The following HS3ST2 variants were observed in gnomAD, a reference collection of about 807,000 sequenced individuals.
The protein encoded by HS3ST2 is heparan sulfate-glucosamine 3-sulfotransferase 2.
In HS3ST2, 17 loss-of-function variants were observed where a neutral mutation model predicts 26.3. That is an observed-to-expected ratio of 0.65 (90% confidence interval 0.44 to 0.97). The LOEUF is 0.97. Ranked by LOEUF, HS3ST2 falls within the 50% of genes least tolerant of loss-of-function variation. HS3ST2 has a pLI of 0.00. For synonymous variants in HS3ST2, 237 were observed against 219.2 expected, an observed-to-expected ratio of 1.08 and a Z score of -0.72; for missense variants, 402 against 501.2, an observed-to-expected ratio of 0.80 and a Z score of 1.89.
chr16:22,870,941 G>C (rs1021023999), intron 1 of HS3ST2, among the ~76,000 whole-genome samples: 1 of 152,110 alleles, frequency 6.6e-6, no homozygotes, highest in Non-Finnish European at 1.5e-5. Flanking sequence ...ACTTTATGAT[G>C]GTGGAAAAGC....
intron 1 of HS3ST2, among the ~76,000 whole-genome samples, chr16:22,868,110 A>G (rs1489671706): frequency 6.6e-6 from 1 of 152,200 alleles, no homozygotes; most frequent in Non-Finnish European, 1.5e-5. Flanking sequence ...AAGAACATTA[A>G]AAGTCTGGAA....
At chr16:22,815,669 C>T (rs1247307834) in intron 1 of HS3ST2, among the ~76,000 whole-genome samples, 1 of 152,118 alleles carries the variant, frequency 6.6e-6, no homozygotes, top group African/African-American at 2.4e-5. Context: ...GCTGAGACCC[C>T]CAGTAGCTCT....
intron 1 of HS3ST2, among the ~76,000 whole-genome samples, chr16:22,887,808 G>T (rs907513499): frequency 6.6e-6 from 1 of 150,788 alleles, no homozygotes; most frequent in Non-Finnish European, 1.5e-5. Flanking sequence ...AACTAGCCAG[G>T]CATGGTTGTA....
In HS3ST2 at chr16:22,822,181, C is replaced by T. The variant is rs547830549; in HGVS notation, c.485+7086C>T. On this transcript the variant is annotated intron_variant, in intron 1 of 1. Transcript: ENST00000261374. ...GACATTTGCCAAAGCCCAGCATGAC[C>T]TCTACTATTATTTTCTTAATTTTTT... Among the ~76,000 whole-genome samples the T allele has an allele frequency of 1.2e-4, 18 of 152,242 alleles. No homozygotes were observed. In the East Asian group the frequency reaches 2.5e-3, roughly 21 times the overall value.
intron 1 of HS3ST2, among the ~76,000 whole-genome samples, chr16:22,862,898 C>T (rs1313613436): frequency 1.3e-5 from 2 of 152,234 alleles, no homozygotes; most frequent in Non-Finnish European, 2.9e-5. Flanking sequence ...GCTTGGAATG[C>T]AGTGAATACT....
chr16:22,898,524 A>G (rs1343976039), intron 1 of HS3ST2, among the ~76,000 whole-genome samples: 1 of 152,206 alleles, frequency 6.6e-6, no homozygotes, highest in African/African-American at 2.4e-5. Context: ...GCCAGGGTAA[A>G]GTGATCCAGG....
At position 22,829,395 on chromosome 16, in the gene HS3ST2, T is replaced by C. The variant is rs80071106; in HGVS notation, c.485+14300T>C. Among the ~76,000 whole-genome samples the C allele has an allele frequency of 9.8e-5, 15 of 152,342 alleles. No individual in the cohort carries two copies. In the East Asian group the frequency reaches 2.5e-3, roughly 25 times the overall value. ...TGGTCCCATTTAGGTAGGGTATTGA[T>C]TGTCCCATTTAGAGAGGACAATCAG... On this transcript the variant is annotated intron_variant, in intron 1 of 1. Coordinates refer to ENST00000261374, the MANE Select transcript of HS3ST2 (RefSeq NM_006043.2).
chr16:22,820,034 G>A lies in HS3ST2; in HGVS notation c.485+4939G>A, dbSNP rs534799875. On this transcript the variant is annotated intron_variant, in intron 1 of 1. Transcript: ENST00000261374. The stretch of plus-strand genomic sequence containing the variant: ...TGGGTGTGCACATAGATGAATGTGT[G>A]TGCACACCCACACATGTGCACCTGC... 2.0e-4 allele frequency among the ~76,000 whole-genome samples: 31 copies of A among 152,328 alleles called. No individual in the cohort carries two copies. In the South Asian group the frequency reaches 6.4e-3, roughly 32 times the overall value.
intron 1 of HS3ST2, among the ~76,000 whole-genome samples, chr16:22,824,451 G>A (rs1901050810): frequency 6.6e-6 from 1 of 152,162 alleles, no homozygotes; most frequent in African/African-American, 2.4e-5. Context: ...GGAGGCTGAG[G>A]CAAGAGAATG....
intron 1 of HS3ST2, among the ~76,000 whole-genome samples, chr16:22,913,803 C>A (rs1249314560): frequency 6.6e-6 from 1 of 152,126 alleles, no homozygotes; most frequent in East Asian, 1.9e-4. Flanking sequence ...GAGTTTGAGA[C>A]CAGCCAGGGC....
chr16:22,869,141 C>T (rs1023584508), intron 1 of HS3ST2, among the ~76,000 whole-genome samples: 1 of 151,966 alleles, frequency 6.6e-6, no homozygotes, highest in Non-Finnish European at 1.5e-5. Context: ...AAAAGGGGCG[C>T]TCTGTAAAAC....
intron 1 of HS3ST2, among the ~76,000 whole-genome samples, chr16:22,850,966 G>A (rs749911382): frequency 6.6e-6 from 1 of 152,200 alleles, no homozygotes; most frequent in African/African-American, 2.4e-5. Context: ...GCTTCTGGCT[G>A]TCACCTGTGA....
intron 1 of HS3ST2, among the ~76,000 whole-genome samples, chr16:22,816,247 G>A (rs1319603391): frequency 1.3e-5 from 2 of 152,242 alleles, no homozygotes; most frequent in South Asian, 2.1e-4. Flanking sequence ...TAGTAATGAC[G>A]TTGGGGAGGG....
chr16:22,909,921 C>G (rs1902402208), intron 1 of HS3ST2, among the ~76,000 whole-genome samples: 1 of 151,358 alleles, frequency 6.6e-6, no homozygotes, highest in African/African-American at 2.4e-5. Context: ...CCTGTAATCC[C>G]AGCTACTTGG....
intron 1 of HS3ST2, among the ~76,000 whole-genome samples, chr16:22,820,123 G>T (rs1197548842): frequency 2.0e-5 from 3 of 152,160 alleles, no homozygotes; most frequent in African/African-American, 7.2e-5. Context: ...TCTTGGTCCA[G>T]GCGAACGTCA....
intron 1 of HS3ST2, among the ~76,000 whole-genome samples, chr16:22,816,159 C>T (rs929511310): frequency 1.3e-5 from 2 of 152,202 alleles, no homozygotes; most frequent in Non-Finnish European, 2.9e-5. Flanking sequence ...TGTAATGTCC[C>T]GGCTCCCTGT....
At chr16:22,831,839 G>C (rs1484906240) in intron 1 of HS3ST2, among the ~76,000 whole-genome samples, 1 of 152,090 alleles carries the variant, frequency 6.6e-6, no homozygotes, top group Non-Finnish European at 1.5e-5. Context: ...AGTTTTCTGG[G>C]TGCTCTGTAG....
chr16:22,865,287 G>A (rs756638783), intron 1 of HS3ST2, among the ~76,000 whole-genome samples: 1 of 152,122 alleles, frequency 6.6e-6, no homozygotes, highest in Non-Finnish European at 1.5e-5. Flanking sequence ...GGGCGCGGTG[G>A]CTCATGCCTG....
chr16:22,874,036 A>T (rs1901875736), intron 1 of HS3ST2, among the ~76,000 whole-genome samples: 1 of 152,178 alleles, frequency 6.6e-6, no homozygotes, highest in African/African-American at 2.4e-5. Context: ...TGCATGTGCC[A>T]TGTTTGCGAC....
Sources: gnomAD v4.1 joint callset for allele counts (sites outside exome capture counted in the v4.1 genomes callset) on GRCh38, gnomAD v4.1.1 for gene constraint, MANE v1.5 for transcripts, NCBI Gene and HGNC (gene_info 2026-07-23, HGNC 2026-07-21) for gene names.